The following PREX1 variants were observed in gnomAD, a reference collection of about 807,000 sequenced individuals.
PREX1 encodes the protein phosphatidylinositol 3,4,5-trisphosphate-dependent Rac exchanger 1 protein.
PREX1 carries 41 observed loss-of-function variants against 198.3 expected under a neutral mutation model. That is an observed-to-expected ratio of 0.21 (90% CI 0.16 to 0.27). The LOEUF (loss-of-function observed/expected upper bound fraction) is 0.27, where lower values mean the gene tolerates loss of function less well. PREX1 is among the 10% of genes least tolerant of loss of function. PREX1 has a pLI of 1.00. For synonymous variants in PREX1, 843 were observed against 887.2 expected (o/e 0.95, Z 0.89); for missense variants, 1,620 against 2,200.7 (o/e 0.74, Z 5.28).
intron 5 of PREX1, among the ~76,000 whole-genome samples, chr20:48,724,211 T>G (rs1794400528): frequency 1.3e-5 from 2 of 152,194 alleles, no homozygotes; most frequent in African/African-American, 2.4e-5. Flanking sequence ...TAATCATGAT[T>G]CTACTGCTTA....
chr20:48,691,492 C>G lies in PREX1; in HGVS notation c.1037-396G>C, dbSNP rs567431030. ...CCAAGTCAAACGTGGGACCCTTACC[C>G]AGTGCTGGCTGGGATGGGACCTGGA... On this transcript the variant is annotated intron_variant, in intron 8 of 39. Coordinates refer to ENST00000371941, the MANE Select transcript of PREX1 (RefSeq NM_020820.4). The surrounding 1 kb of genome is among the most constrained non-coding windows in gnomAD (Gnocchi z 5.0). Among the ~76,000 whole-genome samples the G allele has an allele frequency of 6.6e-6, 1 of 152,296 alleles. No individual in the cohort carries two copies. The highest frequency in any genetic ancestry group is 1.9e-4 in the East Asian group (1 of 5,178).
In PREX1 at chr20:48,657,188, C is replaced by G. The variant is rs55904123; in HGVS notation, c.1975G>C (p.Val659Leu). The G allele has an allele frequency of 6.2e-7, 1 of 1,612,698 alleles. No individual in the cohort carries two copies. The highest frequency in any genetic ancestry group is 1.3e-5 in the African/African-American group (1 of 74,882). ...TTCCTCCCCACCTGCAGGCCAGCCACCTGGGTAGGGACGGCAGAGGACAGA... is the reference window on the plus strand; with the variant it reads ...TTCCTCCCCACCTGCAGGCCAGCCAGCTGGGTAGGGACGGCAGAGGACAGA... ...KSVQRGSLAE[V>L]AGLQVGRKIY... Residue 659 changes from valine to leucine, a missense_variant and splice_region_variant, in exon 18 of 40, where the codon GTG (valine) becomes CTG (leucine). Val to Leu is a conservative substitution (Grantham distance 32). Around this residue, in one of 7 missense-constraint regions of PREX1, gnomAD observed 488 missense variants for 802.5 expected, o/e 0.61. Transcript: ENST00000371941.
At chr20:48,626,210 C>T (rs1051734729) in intron 39 of PREX1, among the ~76,000 whole-genome samples, 1 of 152,218 alleles carries the variant, frequency 6.6e-6, no homozygotes, top group Non-Finnish European at 1.5e-5. Flanking sequence ...GTGCACATTC[C>T]ACACTAGTGG....
chr20:48,874,339 A>T, the PREX1 span, among the ~76,000 whole-genome samples: 1 of 150,806 alleles, frequency 6.6e-6, no homozygotes, highest in East Asian at 1.9e-4. Context: ...AGCCCCCTAC[A>T]TTTATCCTTT....
the PREX1 span, among the ~76,000 whole-genome samples, chr20:48,833,100 C>T: frequency 6.6e-6 from 1 of 152,156 alleles, no homozygotes; most frequent in African/African-American, 2.4e-5. Flanking sequence ...AAAATGGGGT[C>T]AGTAAGAGCT....
At chr20:48,637,856 ACCCT>A in intron 30 of PREX1, 104 bp from the exon 31 acceptor site, 1 of 999,160 alleles carries the variant, frequency 1.0e-6, no homozygotes, top group South Asian at 1.5e-5. Context: ...AGGTGCTCTG[ACCCT>A]TCACAGCAAA....
intron 27 of PREX1, among the ~76,000 whole-genome samples, chr20:48,643,565 T>C (rs958605147): frequency 6.6e-6 from 1 of 152,202 alleles, no homozygotes; most frequent in Non-Finnish European, 1.5e-5. Flanking sequence ...CACCTGCCCA[T>C]CCATGCATTC....
At chr20:48,696,757 T>C (rs55813535) in intron 7 of PREX1, among the ~76,000 whole-genome samples, 12 of 152,102 alleles carry the variant, frequency 7.9e-5, no homozygotes, top group African/African-American at 2.7e-4. Context: ...ATGTAGTTGG[T>C]ATGGGGATAA....
At chr20:48,780,705 A>C (rs1007982214) in intron 1 of PREX1, among the ~76,000 whole-genome samples, 16 of 152,230 alleles carry the variant, frequency 1.1e-4, no homozygotes, top group African/African-American at 3.9e-4. Flanking sequence ...AGGAAATAGA[A>C]AGCCACGACT....
At chr20:48,760,510 C>T (rs2090174489) in intron 1 of PREX1, among the ~76,000 whole-genome samples, 2 of 152,002 alleles carry the variant, frequency 1.3e-5, no homozygotes, top group African/African-American at 4.8e-5. Flanking sequence ...CACCACACTT[C>T]TGAGTCAATT....
At chr20:48,644,934 A>C (rs2089439900) in intron 26 of PREX1, among the ~76,000 whole-genome samples, 1 of 152,220 alleles carries the variant, frequency 6.6e-6, no homozygotes, top group Admixed American at 6.5e-5. Flanking sequence ...AAGGTGTGGG[A>C]GATCAAAACC....
chr20:48,663,905 T>TGC (rs750990447), intron 15 of PREX1, among the ~76,000 whole-genome samples: 53 of 143,020 alleles, frequency 3.7e-4, no homozygotes, highest in African/African-American at 1.3e-3. Flanking sequence ...CAAGTGTGAG[T>TGC]GCGCGCACAC....
intron 11 of PREX1, 47 bp from the exon 12 acceptor site, chr20:48,679,801 C>A (rs1185788049): frequency 4.7e-6 from 7 of 1,476,632 alleles, no homozygotes; most frequent in Non-Finnish European, 6.6e-6. Context: ...CCCCTCAGCC[C>A]CTCCCAGCCA....
At position 48,702,992 on chromosome 20, in the gene PREX1, G is replaced by A. The variant is rs549361757; in HGVS notation, c.784-2106C>T. On this transcript the variant is annotated intron_variant, in intron 6 of 39. Coordinates refer to ENST00000371941, the MANE Select transcript of PREX1 (RefSeq NM_020820.4). ...CCCTGCCTGGAAATGAACTTGGGGA[G>A]GAGAGAGGGAGAATTATTCACAAAA... Among the ~76,000 whole-genome samples, 39 of 152,326 alleles carry A rather than the reference G, an allele frequency of 2.6e-4. No homozygotes were observed. The East Asian group carries it at 7.5e-3, about 29-fold the overall frequency.
intron 14 of PREX1, among the ~76,000 whole-genome samples, chr20:48,675,670 G>C (rs1021165737): frequency 1.3e-5 from 2 of 152,146 alleles, no homozygotes; most frequent in Admixed American, 6.5e-5. Flanking sequence ...AAGATTAGAA[G>C]GTCTGTGGTT....
At chr20:48,725,414 C>T (rs2090005377) in intron 5 of PREX1, among the ~76,000 whole-genome samples, 1 of 152,246 alleles carries the variant, frequency 6.6e-6, no homozygotes, top group Non-Finnish European at 1.5e-5. Context: ...AGCAGCCAGG[C>T]TGAAGCCTAG....
At chr20:48,825,148 C>A (rs538044429) in intron 1 of PREX1, among the ~76,000 whole-genome samples, 2 of 152,134 alleles carry the variant, frequency 1.3e-5, no homozygotes, top group Non-Finnish European at 2.9e-5. Flanking sequence ...GTTTTGAAAA[C>A]GAAAATGCCT....
intron 1 of PREX1, among the ~76,000 whole-genome samples, chr20:48,807,921 G>C (rs996158044): frequency 4.6e-5 from 7 of 152,066 alleles, no homozygotes; most frequent in Non-Finnish European, 1.0e-4. Context: ...TGTCCACTCA[G>C]GGGGCCCTGA....
rs1246133262 is a variant in PREX1 at position 48,635,126 on chromosome 20, C to T, written c.4168-351G>A. On this transcript the variant is annotated intron_variant, in intron 32 of 39. Transcript: ENST00000371941. ...CTTCCTCAACCTCCCCCAGTCGGTC[C>T]CATGTCAGCAAATAGCACCAGCGTT... is the stretch of plus-strand genomic sequence containing the variant. Among the ~76,000 whole-genome samples, 7 of 152,330 alleles carry T rather than the reference C, an allele frequency of 4.6e-5. No homozygotes were observed. In the East Asian group the frequency reaches 1.2e-3, roughly 25 times the overall value.
Sources: gnomAD v4.1 joint callset for allele counts (sites outside exome capture counted in the v4.1 genomes callset) on GRCh38, gnomAD v4.1.1 for gene constraint, gnomAD v4.1.1 regional missense constraint, Gnocchi (gnomAD v3.1) non-coding constraint, MANE v1.5 for transcripts, NCBI Gene and HGNC (gene_info 2026-07-23, HGNC 2026-07-21) for gene names.